ADAMTSL1: variants seen among roughly 807,000 people sequenced by gnomAD.
ADAMTSL1 encodes ADAMTS-like protein 1.
In ADAMTSL1, 126 loss-of-function variants were observed where a neutral mutation model predicts 201.8. The observed-to-expected ratio is 0.62, with a 90% CI of 0.54 to 0.72. The LOEUF (loss-of-function observed/expected upper bound fraction) is 0.72, where lower values mean the gene tolerates loss of function less well. ADAMTSL1 is among the 30% of genes least tolerant of loss of function. The pLI, the probability that ADAMTSL1 is intolerant of heterozygous loss-of-function variation, is 0.00. For missense variants in ADAMTSL1, 2,679 were observed against 2,277.8 expected (o/e 1.18, Z -3.59); for synonymous variants, 1,121 against 903.4 (o/e 1.24, Z -4.32).
intron 1 of ADAMTSL1, among the ~76,000 whole-genome samples, chr9:18,494,923 A>G (rs1043706670): frequency 6.6e-6 from 1 of 152,198 alleles, no homozygotes; most frequent in Non-Finnish European, 1.5e-5. Flanking sequence ...TTTGTATTCT[A>G]GCAAGATAAC....
chr9:18,250,393 T>C (rs550945632), intron 2 of ADAMTSL1, among the ~76,000 whole-genome samples: 63 of 152,280 alleles, frequency 4.1e-4, no homozygotes, highest in African/African-American at 1.4e-3. Flanking sequence ...TCTGGAGGGG[T>C]ACCAGTGAGG....
chr9:18,087,686 A>G (rs527879003), intron 1 of ADAMTSL1, among the ~76,000 whole-genome samples: 40 of 152,290 alleles, frequency 2.6e-4, no homozygotes, highest in African/African-American at 8.4e-4. Context: ...AGGTGAAATA[A>G]TGGATATTTA....
At chr9:18,312,996 T>A (rs1834214714) in intron 2 of ADAMTSL1, among the ~76,000 whole-genome samples, 2 of 152,216 alleles carry the variant, frequency 1.3e-5, no homozygotes, top group African/African-American at 4.8e-5. Flanking sequence ...GTGGAGATAA[T>A]AAAGGTTCTT....
intron 2 of ADAMTSL1, among the ~76,000 whole-genome samples, chr9:18,266,301 G>A (rs1328733574): frequency 1.3e-5 from 2 of 152,198 alleles, no homozygotes; most frequent in African/African-American, 4.8e-5. Flanking sequence ...GTCACATCTA[G>A]GAGACTATCA....
intron 1 of ADAMTSL1, among the ~76,000 whole-genome samples, chr9:18,496,750 T>G (rs899150265): frequency 2.0e-5 from 3 of 152,246 alleles, no homozygotes; most frequent in Non-Finnish European, 4.4e-5. Context: ...AACCCCAACA[T>G]GTGCTTTCCA....
chr9:18,317,224 G>A (rs191546251), intron 2 of ADAMTSL1, among the ~76,000 whole-genome samples: 18 of 152,222 alleles, frequency 1.2e-4, no homozygotes, highest in African/African-American at 4.1e-4. Context: ...GTGATTACCA[G>A]GGGCTAGAGG....
chr9:18,322,951 C>T (rs1305654555), intron 2 of ADAMTSL1, among the ~76,000 whole-genome samples: 1 of 152,148 alleles, frequency 6.6e-6, no homozygotes, highest in African/African-American at 2.4e-5. Context: ...CTAGTGAGTT[C>T]TATGAAGCAT....
chr9:18,619,007 A>G (rs1294756109), intron 4 of ADAMTSL1, among the ~76,000 whole-genome samples: 1 of 152,182 alleles, frequency 6.6e-6, no homozygotes, highest in Non-Finnish European at 1.5e-5. Flanking sequence ...TAAGGCAGTT[A>G]CCTCTGGAAT....
At chr9:18,007,917 C>G (rs751850534) in intron 1 of ADAMTSL1, among the ~76,000 whole-genome samples, 2 of 151,954 alleles carry the variant, frequency 1.3e-5, no homozygotes, top group Admixed American at 6.6e-5. Context: ...AGTTAACTTG[C>G]TCTTTCCATA....
At chr9:17,940,802 A>C (rs71506852) in intron 1 of ADAMTSL1, among the ~76,000 whole-genome samples, 1,405 of 50,452 alleles carry the variant, frequency 0.028, no homozygotes, top group Middle Eastern at 0.058. Context: ...AGTAAATAAC[A>C]CCCCCCCCCC....
At chr9:18,621,414 A>G (rs1194100377) in intron 4 of ADAMTSL1, among the ~76,000 whole-genome samples, 2 of 152,138 alleles carry the variant, frequency 1.3e-5, no homozygotes, top group Non-Finnish European at 2.9e-5. Flanking sequence ...GGCCTCAACT[A>G]TAGAATGGAG....
intron 2 of ADAMTSL1, among the ~76,000 whole-genome samples, chr9:18,285,595 T>G (rs796394297): frequency 6.6e-6 from 1 of 152,128 alleles, no homozygotes. Context: ...TTTTCTTTTT[T>G]CTTTTTTTAA....
At chr9:18,090,399 T>C (rs935120385) in intron 1 of ADAMTSL1, among the ~76,000 whole-genome samples, 19 of 152,208 alleles carry the variant, frequency 1.2e-4, no homozygotes, top group Admixed American at 1.3e-4. Context: ...ATACACTGAA[T>C]AGAATATTAT....
chr9:18,684,672 G>C, intron 12 of ADAMTSL1, 44 bp from the exon 13 acceptor site: 1 of 1,578,830 alleles, frequency 6.3e-7, no homozygotes, highest in Non-Finnish European at 8.6e-7. Context: ...ATCCCAGATT[G>C]GTTCTAACCT....
At chr9:18,199,362 A>G (rs1191166216) in intron 2 of ADAMTSL1, among the ~76,000 whole-genome samples, 2 of 152,154 alleles carry the variant, frequency 1.3e-5, no homozygotes, top group Non-Finnish European at 2.9e-5. Context: ...AAATAAAAAT[A>G]AAAAATGAAT....
chr9:18,109,329 C>T (rs533252690), intron 1 of ADAMTSL1, among the ~76,000 whole-genome samples: 15 of 152,258 alleles, frequency 9.9e-5, no homozygotes, highest in African/African-American at 3.4e-4. Flanking sequence ...GGTGTTTACT[C>T]CTAATCAGCA....
chr9:18,877,209 T>A (rs1028982624), intron 23 of ADAMTSL1, among the ~76,000 whole-genome samples: 1 of 152,246 alleles, frequency 6.6e-6, no homozygotes, highest in African/African-American at 2.4e-5. Flanking sequence ...CTTGAGTAAC[T>A]TAATAATTAA....
At chr9:18,731,340 GAGAA>G (rs1469699128) in intron 15 of ADAMTSL1, among the ~76,000 whole-genome samples, 1 of 152,184 alleles carries the variant, frequency 6.6e-6, no homozygotes, top group Non-Finnish European at 1.5e-5. Flanking sequence ...AATTTATAAA[GAGAA>G]GAGGCACTGG....
At chr9:18,129,035 A>G (rs973852904) in intron 1 of ADAMTSL1, among the ~76,000 whole-genome samples, 1 of 152,192 alleles carries the variant, frequency 6.6e-6, no homozygotes, top group African/African-American at 2.4e-5. Flanking sequence ...ACTTTTCCAA[A>G]CAATTGCAGA....
Sources: gnomAD v4.1 joint callset for allele counts (sites outside exome capture counted in the v4.1 genomes callset) on GRCh38, gnomAD v4.1.1 for gene constraint, MANE v1.5 for transcripts, NCBI Gene and HGNC (gene_info 2026-07-23, HGNC 2026-07-21) for gene names.